Variants in HERC1 observed in about 807,000 individuals in gnomAD.
HERC1 encodes probable E3 ubiquitin-protein ligase HERC1.
Under a neutral mutation model 554.3 loss-of-function variants are expected in HERC1, and 160 were observed. The observed-to-expected ratio is 0.29, with a 90% CI of 0.25 to 0.33. HERC1 has a LOEUF of 0.33. Among genes scored for constraint, HERC1 ranks in the 10% least tolerant of loss-of-function variants. The pLI is 1.00. For missense variants in HERC1, 4,919 were observed against 5,918.5 expected, an observed-to-expected ratio of 0.83 and a Z score of 5.54; for synonymous variants, 2,175 against 2,131.7, an observed-to-expected ratio of 1.02 and a Z score of -0.56.
intron 1 of HERC1, among the ~76,000 whole-genome samples, chr15:63,803,202 A>T (rs2077043838): frequency 6.6e-6 from 1 of 152,162 alleles, no homozygotes; most frequent in Admixed American, 6.5e-5. Context: ...AAATAAAATA[A>T]AATTTAAATT....
At chr15:63,640,806 T>C (rs767858081) in intron 60 of HERC1, among the ~76,000 whole-genome samples, 3 of 152,288 alleles carry the variant, frequency 2.0e-5, no homozygotes, top group Admixed American at 1.3e-4. Flanking sequence ...ACACTGCATA[T>C]AGTACATTTT....
At chr15:63,746,837 T>C in intron 12 of HERC1, 81 bp downstream of exon 12, 1 of 1,180,272 alleles carries the variant, frequency 8.5e-7, no homozygotes, top group Non-Finnish European at 1.2e-6. Flanking sequence ...TTGTCCAATG[T>C]ACAGTTGAAT....
chr15:63,799,332 C>G (rs1213999490), intron 1 of HERC1, among the ~76,000 whole-genome samples: 2 of 151,936 alleles, frequency 1.3e-5, no homozygotes, highest in African/African-American at 4.8e-5. Context: ...AAAACCCTGT[C>G]TCTCCAAAAA....
intron 8 of HERC1, chr15:63,752,483 A>T (rs769480757): frequency 3.9e-5 from 6 of 152,750 alleles, no homozygotes; most frequent in Non-Finnish European, 7.3e-5. Context: ...AGCCTTTATA[A>T]AGGCTCATAA....
intron 14 of HERC1, among the ~76,000 whole-genome samples, chr15:63,730,333 C>T (rs535221815): frequency 6.6e-6 from 1 of 151,928 alleles, no homozygotes; most frequent in African/African-American, 2.4e-5. Flanking sequence ...GTGGTGCACA[C>T]CTCTAGTCCC....
chr15:63,666,162 A>G lies in HERC1; in HGVS notation c.8324-12T>C, dbSNP rs1362741860. On this transcript the variant is annotated splice_polypyrimidine_tract_variant and intron_variant, in intron 41 of 77. Transcript: ENST00000443617. ...CTCTCCCCTAGCACCTATACAGGGG[A>G]AAAACAGTCTGATGCTGACTTTGGG... 1.3e-6 allele frequency: 2 copies of G among 1,593,688 alleles called. No homozygotes were observed. The highest frequency in any genetic ancestry group is 1.7e-6 in the Non-Finnish European group (2 of 1,168,434).
At position 63,775,536 on chromosome 15, in the gene HERC1, T is replaced by C. The variant is rs1202576086; in HGVS notation, c.88A>G (p.Thr30Ala). The stretch of plus-strand genomic sequence containing the variant: ...TACAGAACAGCAACTCCCTCTCTTG[T>C]AGCAATAGATTCACTGTCCTCTGTA... The part of the protein sequence containing the change: ...WITEDSESIA[T>A]REGVAVLYSK... The change falls in exon 2 of 78, where the codon ACA becomes GCA. Residue 30 changes from threonine to alanine, a missense_variant. Around this residue, in one of 11 missense-constraint regions of HERC1, gnomAD observed 110 missense variants for 99.3 expected, o/e 1.11. Transcript: ENST00000443617. This position sits in a 1 kb window ranked among gnomAD's most constrained non-coding sequence, Gnocchi z 4.0. 5.6e-6 allele frequency: 9 copies of C among 1,613,816 alleles called. No individual in the cohort carries two copies. Among genetic ancestry groups the C allele is most frequent in the Non-Finnish European group, 7.6e-6 (9 of 1,179,812 alleles).
In HERC1 at chr15:63,694,395, C is replaced by G. The variant is rs1285616062; in HGVS notation, c.5397G>C (p.Leu1799Phe). Reference protein sequence around the residue: ...DTMLGQPLQLLPKTGVSQLST... With the variant: ...DTMLGQPLQLFPKTGVSQLST... ...TAAGCTGGGAAACACCCGTCTTTGGCAACAACTGCAGGGGCTGTCCTAGCA... is the reference window on the plus strand; with the variant it reads ...TAAGCTGGGAAACACCCGTCTTTGGGAACAACTGCAGGGGCTGTCCTAGCA... The change falls in exon 29 of 78, where the codon TTG becomes TTC. Residue 1799 changes from leucine to phenylalanine, a missense_variant. Physicochemically the swap from Leu to Phe is conservative, Grantham distance 22 (BLOSUM62 0). Transcript: ENST00000443617. This position sits in a 1 kb window ranked among gnomAD's most constrained non-coding sequence, Gnocchi z 4.3. 1 of 1,613,980 alleles carries G rather than the reference C, an allele frequency of 6.2e-7. No homozygotes were observed. The highest frequency in any genetic ancestry group is 1.1e-5 in the South Asian group (1 of 91,082).
intron 40 of HERC1, among the ~76,000 whole-genome samples, chr15:63,668,049 T>A (rs1246853929): frequency 6.6e-6 from 1 of 152,190 alleles, no homozygotes. Flanking sequence ...AAGGGTCAAC[T>A]GTATAGCTAA....
chr15:63,808,171 G>C (rs1007715726), intron 1 of HERC1, among the ~76,000 whole-genome samples: 1 of 149,994 alleles, frequency 6.7e-6, no homozygotes, highest in African/African-American at 2.4e-5. Context: ...CAAAAAGTTT[G>C]TGACAAGCAG....
intron 8 of HERC1, among the ~76,000 whole-genome samples, chr15:63,750,856 C>G (rs2075216428): frequency 6.6e-6 from 1 of 152,060 alleles, no homozygotes; most frequent in African/African-American, 2.4e-5. Context: ...TCTCTTGAGC[C>G]CAGGAGGTAG....
intron 1 of HERC1, among the ~76,000 whole-genome samples, chr15:63,789,089 T>G (rs368857560): frequency 0.28 from 30,752 of 108,374 alleles, 4,020 homozygotes; most frequent in Middle Eastern, 0.34. Context: ...TTTTTTTTTT[T>G]TTTTTTTTTT....
chr15:63,675,603 T>C (rs1384589372), intron 37 of HERC1, among the ~76,000 whole-genome samples: 1 of 152,246 alleles, frequency 6.6e-6, no homozygotes, highest in East Asian at 1.9e-4. Flanking sequence ...AGTTTATAAA[T>C]GGTTACTTAT....
At chr15:63,817,970 G>A (rs536149058) in intron 1 of HERC1, among the ~76,000 whole-genome samples, 1 of 152,094 alleles carries the variant, frequency 6.6e-6, no homozygotes, top group South Asian at 2.1e-4. Context: ...TTAATCCAGA[G>A]TCAGGCACAA....
intron 30 of HERC1, among the ~76,000 whole-genome samples, chr15:63,693,659 T>C (rs1223236107): frequency 6.6e-6 from 1 of 152,028 alleles, no homozygotes; most frequent in African/African-American, 2.4e-5. Flanking sequence ...CTAGGCAAAA[T>C]GCAACCTGGG....
At chr15:63,634,227 G>C (rs961353676) in intron 66 of HERC1, among the ~76,000 whole-genome samples, 1 of 152,216 alleles carries the variant, frequency 6.6e-6, no homozygotes, top group Non-Finnish European at 1.5e-5. Context: ...ATGAAAGATA[G>C]AGGAAAAGTA....
At position 63,775,676 on chromosome 15, in the gene HERC1, A is replaced by G. The variant is rs1230249602; in HGVS notation, c.-26-27T>C. On this transcript the variant is annotated intron_variant, in intron 1 of 77. Coordinates refer to ENST00000443617, the MANE Select transcript of HERC1 (RefSeq NM_003922.4). The surrounding 1 kb of genome is among the most constrained non-coding windows in gnomAD (Gnocchi z 4.0). ...TGCAAAGGGAGAAGAGAAAACAGTC[A>G]AAAACATACAGAGGACTCATAAAAT... The G allele has an allele frequency of 7.4e-7, 1 of 1,351,484 alleles. No individual in the cohort carries two copies. Among genetic ancestry groups the G allele is most frequent in the East Asian group, 2.3e-5 (1 of 43,494 alleles). The allele number at this position is 1,351,484 out of a possible 1,614,324, so 83.7% of individuals were successfully genotyped here.
chr15:63,702,188 A>G (rs2072755251), intron 25 of HERC1, among the ~76,000 whole-genome samples: 2 of 152,210 alleles, frequency 1.3e-5, no homozygotes, highest in South Asian at 4.1e-4. Context: ...CAACTGGCCA[A>G]AAAGGAGTAA....
chr15:63,770,901 G>T (rs140368706), intron 2 of HERC1, among the ~76,000 whole-genome samples: 2 of 152,088 alleles, frequency 1.3e-5, no homozygotes, highest in South Asian at 2.1e-4. Context: ...AGAAACATGG[G>T]TTCTAGGCTG....
Sources: allele counts gnomAD v4.1 joint callset (sites outside exome capture counted in the v4.1 genomes callset), GRCh38; gene constraint gnomAD v4.1.1; regional missense constraint gnomAD v4.1.1; non-coding constraint Gnocchi (gnomAD v3.1); transcripts MANE v1.5; gene names NCBI Gene and HGNC (gene_info 2026-07-23, HGNC 2026-07-21).